The following ODF2 variants were observed in gnomAD, a reference collection of about 807,000 sequenced individuals.
ODF2 encodes outer dense fiber of sperm tails 2.
ODF2 carries 47 observed loss-of-function variants against 110.2 expected under a neutral mutation model. The observed-to-expected ratio is 0.43, with a 90% CI of 0.34 to 0.54. ODF2 has a LOEUF of 0.54. Among genes scored for constraint, ODF2 ranks in the 20% least tolerant of loss-of-function variants. The pLI, the probability that ODF2 is intolerant of heterozygous loss-of-function variation, is 0.03. For missense variants in ODF2, 812 were observed against 1,054.5 expected (o/e 0.77, Z 3.19); for synonymous variants, 352 against 397.7 (o/e 0.89, Z 1.37).
intron 7 of ODF2, chr9:128,473,374 C>G: frequency 6.1e-6 from 4 of 657,462 alleles, no homozygotes; most frequent in Non-Finnish European, 7.5e-6. Context: ...CCTGACTGTG[C>G]TCACCCACAC....
At chr9:128,476,732 G>A (rs1304168689) in intron 8 of ODF2, among the ~76,000 whole-genome samples, 2 of 150,190 alleles carry the variant, frequency 1.3e-5, no homozygotes, top group Non-Finnish European at 3.0e-5. Context: ...CTGGCCTCCC[G>A]AGTTCAAGTG....
chr9:128,460,194 G>T, intron 3 of ODF2: 1 of 1,304,682 alleles, frequency 7.7e-7, no homozygotes, highest in Non-Finnish European at 1.0e-6. Context: ...CCTGCTTTCC[G>T]CTGTGCTTCA....
At chr9:128,456,530 T>G in intron 1 of ODF2, 4 of 1,527,302 alleles carry the variant, frequency 2.6e-6, no homozygotes, top group Non-Finnish European at 3.5e-6. Context: ...CGGGCAGGGC[T>G]TCACCTTTCT....
In ODF2 at chr9:128,494,868, A is replaced by G; in HGVS notation, c.1911+200A>G. 1.4e-6 allele frequency: 2 copies of G among 1,461,068 alleles called. No individual in the cohort carries two copies. Among genetic ancestry groups the G allele is most frequent in the Non-Finnish European group, 1.8e-6 (2 of 1,108,892 alleles). 90.5% of individuals were successfully genotyped at this position (1,461,068 alleles called of 1,614,324 possible). A position where few individuals can be genotyped will look rare whatever the true frequency, so the allele number is the denominator to read the frequency against. ...GTGTTTGCACAAAGTGATTGTAGTTATAGGAGCCGTCACTTGCGTGGAGTC... is the reference window on the plus strand; with the variant it reads ...GTGTTTGCACAAAGTGATTGTAGTTGTAGGAGCCGTCACTTGCGTGGAGTC... On this transcript the variant is annotated intron_variant, in intron 17 of 20. Transcript: ENST00000604420. The surrounding 1 kb of genome is among the most constrained non-coding windows in gnomAD (Gnocchi z 4.6).
exon 11 of ODF2, chr9:128,483,957 C>T: frequency 6.2e-7 from 1 of 1,613,570 alleles, no homozygotes; most frequent in Non-Finnish European, 8.5e-7. Context: ...AAGACAGCCT[C>T]TGAGCTTTCT....
intron 6 of ODF2, among the ~76,000 whole-genome samples, chr9:128,472,066 G>A (rs982719426): frequency 1.1e-4 from 17 of 152,166 alleles, no homozygotes; most frequent in African/African-American, 3.6e-4. Context: ...AAATCACAAG[G>A]TCAGGAGTTC....
chr9:128,471,159 C>G (rs933891869), intron 5 of ODF2, 149 bp from the exon 6 acceptor site: 1 of 657,610 alleles, frequency 1.5e-6, no homozygotes, highest in East Asian at 3.2e-5. Flanking sequence ...AGTGACCTAC[C>G]CACCTTGGCC....
At chr9:128,487,771 A>G (rs1282096620) in intron 13 of ODF2, 119 bp from the exon 14 acceptor site, 16 of 1,226,336 alleles carry the variant, frequency 1.3e-5, no homozygotes, top group Non-Finnish European at 5.7e-6. Flanking sequence ...TAGGTGACAG[A>G]GCGAGACTCC....
intron 5 of ODF2, among the ~76,000 whole-genome samples, chr9:128,469,822 T>TA (rs1839252563): frequency 6.7e-6 from 1 of 148,820 alleles, no homozygotes; most frequent in African/African-American, 2.5e-5. Context: ...CTGTCTCTAC[T>TA]AAAAAACAAA....
At chr9:128,483,603 G>A (rs1842826375) in intron 10 of ODF2, among the ~76,000 whole-genome samples, 4 of 149,012 alleles carry the variant, frequency 2.7e-5, no homozygotes, top group African/African-American at 9.9e-5. Flanking sequence ...AAAAATTATT[G>A]ACCATGCGCG....
chr9:128,456,528 G>A lies in ODF2; in HGVS notation c.-209+273G>A, dbSNP rs1817682906. On this transcript the variant is annotated intron_variant, in intron 1 of 20. Transcript: ENST00000604420. Reference sequence around the variant, plus strand: ...CCCTCCTCTGCCGCCCGCGGGCAGGGCTTCACCTTTCTCTCTATGGGCAGA... The same window carrying A: ...CCCTCCTCTGCCGCCCGCGGGCAGGACTTCACCTTTCTCTCTATGGGCAGA... The A allele has an allele frequency of 2.0e-6, 3 of 1,527,508 alleles. No individual in the cohort carries two copies. The Admixed American group carries it at 5.9e-5, about 30-fold the overall frequency. 94.6% of individuals were successfully genotyped at this position (1,527,508 alleles called of 1,614,324 possible).
chr9:128,473,417 C>G lies in ODF2; in HGVS notation c.712-193C>G, dbSNP rs183092285. 8.7e-5 allele frequency: 57 copies of G among 654,100 alleles called. No individual in the cohort carries two copies. The African/African-American group carries it at 1.0e-3, about 12-fold the overall frequency. 40.5% of individuals were successfully genotyped at this position (654,100 alleles called of 1,614,324 possible). A position where few individuals can be genotyped will look rare whatever the true frequency, so the allele number is the denominator to read the frequency against. ...TCCCACCCCTTTCTCCACCTTTGCT[C>G]GGAGCAGACTTAGCTCCTGCTTGTC... is the stretch of plus-strand genomic sequence containing the variant. On this transcript the variant is annotated intron_variant, in intron 7 of 20. Transcript: ENST00000604420.
chr9:128,489,708 G>C (rs986018580), intron 14 of ODF2, among the ~76,000 whole-genome samples: 3 of 152,156 alleles, frequency 2.0e-5, no homozygotes, highest in Non-Finnish European at 4.4e-5. Flanking sequence ...GTACACATTT[G>C]GTGCGTCTTT....
At chr9:128,492,999 TCTCTCTCTC>T (rs1013212150) in intron 16 of ODF2, among the ~76,000 whole-genome samples, 194 bp downstream of exon 16, 1 of 151,764 alleles carries the variant, frequency 6.6e-6, no homozygotes, top group African/African-American at 2.4e-5. Flanking sequence ...TTTCCTCTCT[TCTCTCTCTC>T]ATGCTGCTGC....
intron 14 of ODF2, 72 bp downstream of exon 14, chr9:128,488,097 T>C (rs1163554775): frequency 6.4e-7 from 1 of 1,568,906 alleles, no homozygotes. Flanking sequence ...TTGTCTTACG[T>C]GGGCCTGGGG....
At chr9:128,500,105 A>C in exon 21 of ODF2, 1 of 1,614,264 alleles carries the variant, frequency 6.2e-7, no homozygotes, top group Non-Finnish European at 8.5e-7. Context: ...AAGACCTGAA[A>C]GATCGCCTGG....
intron 8 of ODF2, among the ~76,000 whole-genome samples, chr9:128,478,549 G>A (rs1841805649): frequency 6.7e-6 from 1 of 149,120 alleles, no homozygotes; most frequent in African/African-American, 2.5e-5. Flanking sequence ...AGTGAGCCAA[G>A]ATCATGCCAC....
At chr9:128,488,274 A>G (rs1211644224) in intron 14 of ODF2, among the ~76,000 whole-genome samples, 6 of 152,090 alleles carry the variant, frequency 3.9e-5, no homozygotes, top group Non-Finnish European at 7.4e-5. Flanking sequence ...AACATACAAA[A>G]AGTAGCCAGG....
chr9:128,456,334 C>T (rs767222744), intron 1 of ODF2, 79 bp downstream of exon 1: 105 of 1,450,166 alleles, frequency 7.2e-5, no homozygotes, highest in Non-Finnish European at 9.4e-5. Context: ...ACCCCCGGCG[C>T]GGTCGACCCC....
Sources: gnomAD v4.1 joint callset for allele counts (sites outside exome capture counted in the v4.1 genomes callset) on GRCh38, gnomAD v4.1.1 for gene constraint, Gnocchi (gnomAD v3.1) non-coding constraint, MANE v1.5 for transcripts, NCBI Gene and HGNC (gene_info 2026-07-23, HGNC 2026-07-21) for gene names.